IKZF2: variants seen among roughly 807,000 people sequenced by gnomAD.
IKZF2 encodes zinc finger protein Helios.
Under a neutral mutation model 49.2 loss-of-function variants are expected in IKZF2, and 15 were observed. The ratio of observed to expected loss-of-function variants is 0.30; its 90% confidence interval spans 0.20 to 0.47. The LOEUF (loss-of-function observed/expected upper bound fraction) is 0.47, where lower values mean the gene tolerates loss of function less well. Ranked by LOEUF, IKZF2 falls within the 20% of genes least tolerant of loss-of-function variation. IKZF2 has a pLI of 1.00. For missense variants in IKZF2, 567 were observed against 664.6 expected (o/e 0.85, Z 1.61); for synonymous variants, 227 against 221.4 (o/e 1.03, Z -0.23).
chr2:213,136,386 A>AG (rs1553602757), intron 4 of IKZF2, among the ~76,000 whole-genome samples: 8 of 111,138 alleles, frequency 7.2e-5, no homozygotes, highest in South Asian at 3.7e-4. Flanking sequence ...AAAAAAAAAA[A>AG]AAAAAGAAAA....
intron 6 of IKZF2, among the ~76,000 whole-genome samples, chr2:213,032,551 T>C (rs894616782): frequency 1.3e-4 from 20 of 152,084 alleles, no homozygotes; most frequent in African/African-American, 4.3e-4. Flanking sequence ...CTGGGCAACA[T>C]GATGAAATCT....
chr2:213,064,523 T>C (rs1183066309), intron 4 of IKZF2, among the ~76,000 whole-genome samples: 2 of 152,034 alleles, frequency 1.3e-5, no homozygotes, highest in East Asian at 3.9e-4. Flanking sequence ...AATACACACC[T>C]TTATTAGCTA....
intron 4 of IKZF2, among the ~76,000 whole-genome samples, chr2:213,101,372 T>C (rs1465009401): frequency 2.0e-5 from 3 of 152,020 alleles, no homozygotes; most frequent in African/African-American, 7.2e-5. Flanking sequence ...CTTTCAGAGG[T>C]CAAATTAAAA....
chr2:213,069,085 C>G (rs909213885), intron 4 of IKZF2, among the ~76,000 whole-genome samples: 2 of 152,106 alleles, frequency 1.3e-5, no homozygotes, highest in East Asian at 3.9e-4. Context: ...GGATGTGAAC[C>G]CTGCCATTAT....
chr2:213,056,077 G>GA (rs879300744), intron 5 of IKZF2, among the ~76,000 whole-genome samples: 5 of 150,608 alleles, frequency 3.3e-5, no homozygotes, highest in South Asian at 4.2e-4. Flanking sequence ...TGCTTTTTAA[G>GA]AAAAAAAAAT....
chr2:213,026,584 CTCTT>C (rs1479725251), intron 6 of IKZF2, among the ~76,000 whole-genome samples: 9 of 152,100 alleles, frequency 5.9e-5, no homozygotes, highest in East Asian at 1.9e-4. Context: ...TTTCTTAAAT[CTCTT>C]TCTAATTTCA....
chr2:213,102,827 A>G (rs1048936516), intron 4 of IKZF2, among the ~76,000 whole-genome samples: 1 of 151,984 alleles, frequency 6.6e-6, no homozygotes, highest in African/African-American at 2.4e-5. Context: ...CTGCTCTACA[A>G]CAGTAAGCAA....
At chr2:213,115,431 C>T (rs2125798371) in intron 4 of IKZF2, among the ~76,000 whole-genome samples, 1 of 152,278 alleles carries the variant, frequency 6.6e-6, no homozygotes, top group South Asian at 2.1e-4. Context: ...ATCTCTCTGC[C>T]ACCCTGGGAA....
intron 6 of IKZF2, among the ~76,000 whole-genome samples, chr2:213,030,718 C>T (rs1172663316): frequency 2.6e-5 from 4 of 151,234 alleles, no homozygotes; most frequent in Admixed American, 2.0e-4. Flanking sequence ...CTATTAATTT[C>T]GCAAGTAAAT....
At chr2:213,112,325 T>C (rs1176219948) in intron 4 of IKZF2, among the ~76,000 whole-genome samples, 2 of 96,630 alleles carry the variant, frequency 2.1e-5, no homozygotes, top group South Asian at 2.8e-4. Context: ...AAACTTTTTT[T>C]TGACCCAGAC....
chr2:213,144,370 AT>A (rs970336971), intron 4 of IKZF2, among the ~76,000 whole-genome samples: 71 of 152,112 alleles, frequency 4.7e-4, no homozygotes, highest in East Asian at 1.7e-3. Context: ...TTATAAAAAA[AT>A]AGATAAGAAA....
intron 7 of IKZF2, chr2:213,017,021 C>G (rs1234194896): frequency 6.6e-6 from 1 of 152,040 alleles, no homozygotes; most frequent in Non-Finnish European, 1.5e-5. Flanking sequence ...TATATTGTTG[C>G]AAATTTTCTC....
At chr2:213,035,586 C>A (rs184931844) in intron 6 of IKZF2, among the ~76,000 whole-genome samples, 5 of 152,138 alleles carry the variant, frequency 3.3e-5, no homozygotes, top group Non-Finnish European at 5.9e-5. Context: ...AATAAGGCAA[C>A]TATGCCAAGA....
At chr2:213,085,530 T>C (rs1048001539) in intron 4 of IKZF2, among the ~76,000 whole-genome samples, 1 of 152,204 alleles carries the variant, frequency 6.6e-6, no homozygotes, top group Non-Finnish European at 1.5e-5. Flanking sequence ...ATAAATGCAG[T>C]AAAATTAGAG....
Position 213,007,043 on chromosome 2 carries a change from G to T in IKZF2, c.*317C>A. 1 of 221,072 alleles carries T rather than the reference G, an allele frequency of 4.5e-6. No individual in the cohort carries two copies. The highest frequency in any genetic ancestry group is 8.9e-6 in the Non-Finnish European group (1 of 112,084). 13.7% of individuals were successfully genotyped at this position (221,072 alleles called of 1,614,324 possible). A position where few individuals can be genotyped will look rare whatever the true frequency, so the allele number is the denominator to read the frequency against. On this transcript the variant is annotated 3_prime_UTR_variant, in exon 9 of 9. Coordinates refer to ENST00000434687, the MANE Select transcript of IKZF2 (RefSeq NM_001387220.1). The stretch of plus-strand genomic sequence containing the variant: ...TCAGTGGCAAATCAGAATCTCTTAG[G>T]TGAATCTTTATGAATCAAGTGATTT...
intron 8 of IKZF2, among the ~76,000 whole-genome samples, chr2:213,009,922 C>T (rs11692512): frequency 1.1e-4 from 17 of 152,156 alleles, no homozygotes; most frequent in Admixed American, 7.2e-4. Context: ...ATTACTTATA[C>T]TTCAATAAGG....
chr2:213,036,138 A>C (rs946856939), intron 6 of IKZF2, among the ~76,000 whole-genome samples: 4 of 152,148 alleles, frequency 2.6e-5, no homozygotes, highest in Non-Finnish European at 5.9e-5. Flanking sequence ...TAAGAGCATG[A>C]TACAATTCTT....
intron 4 of IKZF2, among the ~76,000 whole-genome samples, chr2:213,141,123 C>T (rs1288452477): frequency 6.6e-6 from 1 of 151,944 alleles, no homozygotes; most frequent in Non-Finnish European, 1.5e-5. Flanking sequence ...TTAAAGGTTG[C>T]CATCCTTGAC....
chr2:213,071,125 C>A (rs115738621), intron 4 of IKZF2, among the ~76,000 whole-genome samples: 171 of 152,044 alleles, frequency 1.1e-3, no homozygotes, highest in Non-Finnish European at 1.7e-3. Flanking sequence ...AGCCAAATAC[C>A]CTCATTATGT....
Sources: allele counts gnomAD v4.1 joint callset (sites outside exome capture counted in the v4.1 genomes callset), GRCh38; gene constraint gnomAD v4.1.1; transcripts MANE v1.5; gene names NCBI Gene and HGNC (gene_info 2026-07-23, HGNC 2026-07-21).